CNGA1: variants seen among roughly 807,000 people sequenced by gnomAD.
CNGA1 encodes cyclic nucleotide-gated channel alpha-1.
CNGA1 carries 53 observed loss-of-function variants against 69.7 expected under a neutral mutation model. The observed-to-expected ratio is 0.76, with a 90% CI of 0.61 to 0.96. CNGA1 has a LOEUF of 0.96. Among genes scored for constraint, CNGA1 ranks in the 40% least tolerant of loss-of-function variants. CNGA1 has a pLI of 0.00. For missense variants in CNGA1, 739 were observed against 811.2 expected (o/e 0.91, Z 1.08); for synonymous variants, 249 against 283.5 (o/e 0.88, Z 1.22).
chr4:48,012,456 C>T lies in CNGA1; in HGVS notation c.-222-1563G>A, dbSNP rs183421168. 2.3e-3 allele frequency among the ~76,000 whole-genome samples: 344 copies of T among 149,200 alleles called. 2 individuals carry two copies. The highest frequency in any genetic ancestry group is 7.8e-3 in the African/African-American group (314 of 40,304). On this transcript the variant is annotated intron_variant, in intron 1 of 10. Coordinates refer to ENST00000514170, the MANE Select transcript of CNGA1 (RefSeq NM_001379270.1). ...AGCCATTGCTTTCAGTTTGGCCTAA[C>T]AAAAAGGGTGGTGTTATGTAAACAA...
chr4:47,951,557 C>T (rs1739742661), intron 4 of CNGA1, 88 bp from the exon 5 acceptor site: 2 of 850,018 alleles, frequency 2.4e-6, no homozygotes, highest in Non-Finnish European at 4.0e-6. Flanking sequence ...GGACAATTGC[C>T]TCACCTCTTT....
rs541604446 is a variant in CNGA1, at chr4:47,998,210, C to CTTGGA, written c.-123+12579_-123+12583dup. ...TTAGCTAAGGAGTCAGAAATATGAC[C>CTTGGA]TTGGAGATTGAAGTAGCCAGAATTT... On this transcript the variant is annotated intron_variant, in intron 2 of 10. Coordinates refer to ENST00000514170, the MANE Select transcript of CNGA1 (RefSeq NM_001379270.1). Among the ~76,000 whole-genome samples, 299 of 152,246 alleles carry CTTGGA rather than the reference C, an allele frequency of 2.0e-3. 1 individual carries two copies. The highest frequency in any genetic ancestry group is 1.6e-3 in the Non-Finnish European group (111 of 68,024).
At chr4:47,969,145 C>T (rs1250819105) in intron 3 of CNGA1, among the ~76,000 whole-genome samples, 1 of 152,090 alleles carries the variant, frequency 6.6e-6, no homozygotes, top group Admixed American at 6.5e-5. Flanking sequence ...CAACTTGGCT[C>T]TTAATACTGC....
intron 2 of CNGA1, among the ~76,000 whole-genome samples, chr4:47,996,210 C>T (rs1444430086): frequency 6.6e-6 from 1 of 152,190 alleles, no homozygotes; most frequent in Admixed American, 6.5e-5. Context: ...TCCTGCCTCC[C>T]ATCCACCATG....
intron 6 of CNGA1, among the ~76,000 whole-genome samples, chr4:47,945,596 T>C (rs1005958692): frequency 3.3e-5 from 5 of 152,216 alleles, no homozygotes; most frequent in East Asian, 1.9e-4. Context: ...ATATGACTTA[T>C]GGTGTTTCCC....
At chr4:47,961,014 A>G (rs1243983030) in intron 3 of CNGA1, among the ~76,000 whole-genome samples, 1 of 152,206 alleles carries the variant, frequency 6.6e-6, no homozygotes, top group Non-Finnish European at 1.5e-5. Flanking sequence ...TACCTTTAAT[A>G]TATTTGCATT....
chr4:48,007,804 T>C (rs1418588358), intron 2 of CNGA1, among the ~76,000 whole-genome samples: 1 of 152,186 alleles, frequency 6.6e-6, no homozygotes, highest in African/African-American at 2.4e-5. Flanking sequence ...CCTTCTGCAG[T>C]GTACAGAACA....
At position 47,937,766 on chromosome 4, in the gene CNGA1, T is replaced by C. The variant is rs772619232; in HGVS notation, c.716A>G (p.Asn239Ser). The C allele has an allele frequency of 1.9e-6, 3 of 1,613,790 alleles. No individual in the cohort carries two copies. In the South Asian group the frequency reaches 3.3e-5, roughly 18 times the overall value. Residue 239 changes from asparagine (N) to serine (S), a missense_variant, in exon 11 of 11, where the codon AAC (asparagine) becomes AGC (serine). Transcript: ENST00000514170. ...CAGAACATCAAGTTTAAATTGCAAGTTGGATTTATATTTATTTATGAGTTT... is the reference window on the plus strand; with the variant it reads ...CAGAACATCAAGTTTAAATTGCAAGCTGGATTTATATTTATTTATGAGTTT... ...ELKLINKYKS[N>S]LQFKLDVLSL...
chr4:48,004,816 A>C (rs182422696), intron 2 of CNGA1, among the ~76,000 whole-genome samples: 16 of 145,152 alleles, frequency 1.1e-4, no homozygotes, highest in African/African-American at 3.9e-4. Flanking sequence ...TTCTGTTCAC[A>C]GGGCTTTATG....
chr4:47,971,138 A>G (rs1441411073), intron 3 of CNGA1: 4 of 450,702 alleles, frequency 8.9e-6, no homozygotes, highest in Non-Finnish European at 1.8e-5. Context: ...CATTTGTAGG[A>G]AATATACATA....
At chr4:47,987,102 T>TGGTA (rs1393656336) in intron 2 of CNGA1, among the ~76,000 whole-genome samples, 1 of 132,376 alleles carries the variant, frequency 7.6e-6, no homozygotes, top group African/African-American at 3.2e-5. Context: ...TAACCTTGAC[T>TGGTA]GATAGAACAT....
chr4:47,987,657 CAATA>C (rs1479900602), intron 2 of CNGA1, among the ~76,000 whole-genome samples: 1 of 151,838 alleles, frequency 6.6e-6, no homozygotes, highest in South Asian at 2.1e-4. Flanking sequence ...ATGGGAAAGA[CAATA>C]AATAAAGTAA....
chr4:48,010,548 T>A (rs1010515716), intron 2 of CNGA1, among the ~76,000 whole-genome samples: 9 of 152,168 alleles, frequency 5.9e-5, no homozygotes, highest in African/African-American at 2.2e-4. Flanking sequence ...GTGGCAAGCC[T>A]CGTGTTCTCT....
At chr4:47,945,524 G>A (rs991968747) in intron 6 of CNGA1, among the ~76,000 whole-genome samples, 2 of 152,148 alleles carry the variant, frequency 1.3e-5, no homozygotes, top group African/African-American at 2.4e-5. Flanking sequence ...AAGCATCATC[G>A]TGGCCCCCTG....
intron 3 of CNGA1, among the ~76,000 whole-genome samples, 188 bp downstream of exon 3, chr4:47,981,205 T>C (rs1239019968): frequency 2.0e-5 from 3 of 152,214 alleles, no homozygotes; most frequent in African/African-American, 7.2e-5. Flanking sequence ...CAGAATCATA[T>C]TGCCAGGTAG....
At chr4:48,013,350 C>T (rs1483812583) in intron 1 of CNGA1, among the ~76,000 whole-genome samples, 1 of 152,198 alleles carries the variant, frequency 6.6e-6, no homozygotes, top group Non-Finnish European at 1.5e-5. Flanking sequence ...ATGACACAGC[C>T]TCAGGAGGTC....
chr4:47,975,371 A>G (rs143930367), intron 3 of CNGA1, among the ~76,000 whole-genome samples: 1 of 152,300 alleles, frequency 6.6e-6, no homozygotes, highest in African/African-American at 2.4e-5. Context: ...GGAAGAAACA[A>G]TTTTACCAAA....
intron 2 of CNGA1, among the ~76,000 whole-genome samples, chr4:47,990,320 G>T (rs375232837): frequency 9.9e-5 from 15 of 152,028 alleles, no homozygotes; most frequent in Admixed American, 5.9e-4. Context: ...TGCATTCTTG[G>T]GGGGAGGTCT....
intron 2 of CNGA1, among the ~76,000 whole-genome samples, chr4:48,001,396 G>C (rs1714659862): frequency 6.6e-6 from 1 of 152,214 alleles, no homozygotes; most frequent in Non-Finnish European, 1.5e-5. Flanking sequence ...TTGAATCTGG[G>C]AGGTGGAGGT....
Sources: gnomAD v4.1 joint callset for allele counts (sites outside exome capture counted in the v4.1 genomes callset) on GRCh38, gnomAD v4.1.1 for gene constraint, MANE v1.5 for transcripts, NCBI Gene and HGNC (gene_info 2026-07-23, HGNC 2026-07-21) for gene names.